The following ATP10A variants were observed in gnomAD, a reference collection of about 807,000 sequenced individuals.
ATP10A encodes the protein ATPase phospholipid transporting 10A (putative).
In ATP10A, 111 loss-of-function variants were observed where a neutral mutation model predicts 147.8. The observed-to-expected ratio is 0.75, with a 90% CI of 0.64 to 0.88. The LOEUF (loss-of-function observed/expected upper bound fraction) is 0.88. ATP10A is among the 40% of genes least tolerant of loss of function. The pLI is 0.00. For synonymous variants in ATP10A, 875 were observed against 841.6 expected (o/e 1.04, Z -0.69); for missense variants, 1,927 against 1,959.0 (o/e 0.98, Z 0.31).
intron 1 of ATP10A, among the ~76,000 whole-genome samples, chr15:25,792,263 T>C (rs919346087): frequency 6.6e-6 from 1 of 152,198 alleles, no homozygotes. Context: ...AGTGCCACCA[T>C]TAGCTTCAGC....
intron 8 of ATP10A, 142 bp downstream of exon 8, chr15:25,718,040 G>T: frequency 1.2e-6 from 1 of 850,870 alleles, no homozygotes. Flanking sequence ...GTGTTGGCCA[G>T]AAAAGCTTCT....
chr15:25,770,558 C>CT (rs1408665546), intron 2 of ATP10A, among the ~76,000 whole-genome samples: 1 of 152,194 alleles, frequency 6.6e-6, no homozygotes, highest in African/African-American at 2.4e-5. Context: ...CACTGTTACC[C>CT]AGCCAGGAGA....
At chr15:25,846,481 G>A (rs1293733948) in intron 1 of ATP10A, among the ~76,000 whole-genome samples, 1 of 152,132 alleles carries the variant, frequency 6.6e-6, no homozygotes, top group Non-Finnish European at 1.5e-5. Flanking sequence ...GGAGGAGTCA[G>A]AGCGCCCCAC....
In ATP10A at chr15:25,714,129, G is replaced by A; in HGVS notation, c.1889C>T (p.Ala630Val). The change falls in exon 10 of 21, where the codon GCC becomes GTC. Residue 630 changes from alanine (A) to valine (V), a missense_variant. Coordinates refer to ENST00000555815, the MANE Select transcript of ATP10A (RefSeq NM_024490.4). ...GCCCAACTTGTGGCTGGACTTGTTGGCGGCCAGGCTCCCGATGCTGCTGCA... is the reference window on the plus strand; with the variant it reads ...GCCCAACTTGTGGCTGGACTTGTTGACGGCCAGGCTCCCGATGCTGCTGCA... ...SGCSSIGSLA[A>V]NKSSHKLGSS... The A allele has an allele frequency of 1.2e-6, 2 of 1,612,648 alleles. No individual in the cohort carries two copies. The highest frequency in any genetic ancestry group is 1.7e-6 in the Non-Finnish European group (2 of 1,180,034).
chr15:25,675,955 G>C (rs940128754), downstream of ATP10A, among the ~76,000 whole-genome samples: 1 of 151,998 alleles, frequency 6.6e-6, no homozygotes, highest in African/African-American at 2.4e-5. Flanking sequence ...GAAAGGAAAG[G>C]GGAAGGGGAG....
At chr15:25,730,355 AG>A (rs57788199) in intron 3 of ATP10A, among the ~76,000 whole-genome samples, 144,690 of 150,138 alleles carry the variant, frequency 0.96, 69,953 homozygotes, top group East Asian at 1. Context: ...GAAGGAAGGA[AG>A]GAAGGACAGG....
At chr15:25,704,690 C>G (rs1014763468) in intron 12 of ATP10A, among the ~76,000 whole-genome samples, 1 of 152,206 alleles carries the variant, frequency 6.6e-6, no homozygotes, top group African/African-American at 2.4e-5. Context: ...GGGAGGGACC[C>G]CCACCTCGGC....
chr15:25,688,378 G>A (rs998181717), intron 15 of ATP10A, among the ~76,000 whole-genome samples: 2 of 152,162 alleles, frequency 1.3e-5, no homozygotes, highest in African/African-American at 4.8e-5. Flanking sequence ...AACCCAGGAC[G>A]CCGGGTGCGG....
intron 1 of ATP10A, among the ~76,000 whole-genome samples, chr15:25,797,172 G>A (rs1304262690): frequency 6.6e-6 from 1 of 152,012 alleles, no homozygotes; most frequent in Admixed American, 6.6e-5. Flanking sequence ...CTGCTTCTAT[G>A]AATTCAACAT....
intron 1 of ATP10A, among the ~76,000 whole-genome samples, chr15:25,787,611 TAAA>T (rs745619844): frequency 0.011 from 950 of 89,986 alleles, 11 homozygotes; most frequent in African/African-American, 0.032. Flanking sequence ...GACTCCTTCT[TAAA>T]AAAAAAAAAA....
At chr15:25,794,986 A>C (rs1890600652) in intron 1 of ATP10A, among the ~76,000 whole-genome samples, 1 of 152,172 alleles carries the variant, frequency 6.6e-6, no homozygotes, top group Non-Finnish European at 1.5e-5. Context: ...GAAGGCCCAA[A>C]ACTCAACTGG....
chr15:25,721,235 A>G (rs576613592), intron 7 of ATP10A, among the ~76,000 whole-genome samples: 1 of 152,350 alleles, frequency 6.6e-6, no homozygotes, highest in Non-Finnish European at 1.5e-5. Flanking sequence ...GTTCCAGGGA[A>G]GAGAACGAAA....
At chr15:25,864,154 A>G (rs985297406), upstream of ATP10A, among the ~76,000 whole-genome samples, 1 of 151,374 alleles carries the variant, frequency 6.6e-6, no homozygotes, top group Non-Finnish European at 1.5e-5. Context: ...TGTGGGGAGG[A>G]GAGGGGAGCG....
intron 1 of ATP10A, among the ~76,000 whole-genome samples, chr15:25,828,137 G>C (rs1283128095): frequency 6.6e-6 from 1 of 152,138 alleles, no homozygotes; most frequent in African/African-American, 2.4e-5. Flanking sequence ...CTAACTGTAA[G>C]TTCCCAAAAC....
intron 1 of ATP10A, among the ~76,000 whole-genome samples, chr15:25,812,580 C>T (rs886747312): frequency 5.3e-5 from 8 of 152,156 alleles, no homozygotes; most frequent in African/African-American, 1.9e-4. Context: ...TATCTACAAT[C>T]GACCTGACTT....
chr15:25,800,026 C>G (rs140114786), intron 1 of ATP10A, among the ~76,000 whole-genome samples: 18 of 152,238 alleles, frequency 1.2e-4, no homozygotes, highest in African/African-American at 3.9e-4. Context: ...GGAAAAGCGA[C>G]AAAGAACCTT....
intron 1 of ATP10A, among the ~76,000 whole-genome samples, chr15:25,837,225 G>T: frequency 6.6e-6 from 1 of 151,924 alleles, no homozygotes; most frequent in East Asian, 1.9e-4. Context: ...CCCTCAACAG[G>T]GTTCACAACA....
At chr15:25,834,299 C>A (rs1056045447) in intron 1 of ATP10A, among the ~76,000 whole-genome samples, 1 of 152,142 alleles carries the variant, frequency 6.6e-6, no homozygotes, top group Non-Finnish European at 1.5e-5. Context: ...CTAAAAACTG[C>A]AACTAAATAA....
intron 1 of ATP10A, among the ~76,000 whole-genome samples, chr15:25,810,584 C>T (rs1299336557): frequency 2.6e-5 from 4 of 152,122 alleles, no homozygotes; most frequent in Non-Finnish European, 5.9e-5. Context: ...AGTAGCCAAA[C>T]TAAAGTCAGG....
Sources: gnomAD v4.1 joint callset for allele counts (sites outside exome capture counted in the v4.1 genomes callset) on GRCh38, gnomAD v4.1.1 for gene constraint, MANE v1.5 for transcripts, NCBI Gene and HGNC (gene_info 2026-07-23, HGNC 2026-07-21) for gene names.